MEF2C: variants seen among roughly 807,000 people sequenced by gnomAD.
The protein encoded by MEF2C is myocyte-specific enhancer factor 2C.
In MEF2C, 6 loss-of-function variants were observed where a neutral mutation model predicts 50.5. The observed-to-expected ratio is 0.12, with a 90% confidence interval of 0.07 to 0.23. MEF2C has a LOEUF of 0.23. Among genes scored for constraint, MEF2C ranks in the 10% least tolerant of loss-of-function variants. MEF2C has a pLI of 1.00. For synonymous variants in MEF2C, 183 were observed against 228.0 expected, an observed-to-expected ratio of 0.80 and a Z score of 1.78; for missense variants, 276 against 605.0, an observed-to-expected ratio of 0.46 and a Z score of 5.70.
intron 1 of MEF2C, among the ~76,000 whole-genome samples, chr5:88,859,775 T>C (rs183007393): frequency 6.6e-4 from 100 of 152,374 alleles, no homozygotes; most frequent in Admixed American, 1.1e-3. Flanking sequence ...TATTTGCTCA[T>C]TTATGAACAA....
chr5:88,735,609 G>C, intron 6 of MEF2C: 1 of 978,754 alleles, frequency 1.0e-6, no homozygotes, highest in Non-Finnish European at 1.2e-6. Flanking sequence ...CTTACATAAA[G>C]GATTAGAGAA....
rs1406989584 is a variant in MEF2C at position 88,731,894 on chromosome 5, C to A, written c.645G>T (p.Gly215=). Residue 215 remains glycine (G), a synonymous_variant, in exon 7 of 11, where the codon GGG becomes GGT. Coordinates refer to ENST00000504921, the MANE Select transcript of MEF2C (RefSeq NM_002397.5). ...CTGGTGAGTTTCGGGGATTGCCATA[C>A]CCGTTCCCTGTTAACAAAAAACAAT... ...TSGAGTSAGN[G]YGNPRNSPGL... is the part of the protein sequence containing the mutation. 3.7e-6 allele frequency: 6 copies of A among 1,608,536 alleles called. No individual in the cohort carries two copies. The East Asian group carries it at 6.7e-5, about 18-fold the overall frequency.
rs932466908 is a variant in MEF2C, at chr5:88,743,360, G to A, written c.637+5710C>T. 6.1e-6 allele frequency: 6 copies of A among 985,046 alleles called. No homozygotes were observed. The South Asian group carries it at 2.3e-4, about 39-fold the overall frequency. 61.0% of individuals were successfully genotyped at this position (985,046 alleles called of 1,614,324 possible). ...GTAAGAATTGCAGAGAAGTCTTTCT[G>A]GCCAATAAGAAAGTCAGCCAAGAAA... On this transcript the variant is annotated intron_variant, in intron 6 of 10. Transcript: ENST00000504921.
upstream of MEF2C, among the ~76,000 whole-genome samples, chr5:88,886,132 C>T (rs1834024449): frequency 6.6e-6 from 1 of 152,106 alleles, no homozygotes; most frequent in Admixed American, 6.5e-5. Context: ...TTATGTGTGA[C>T]CTAAGTTAAT....
chr5:88,811,242 T>C (rs1361874204), intron 2 of MEF2C, among the ~76,000 whole-genome samples: 2 of 152,002 alleles, frequency 1.3e-5, no homozygotes, highest in East Asian at 1.9e-4. Flanking sequence ...CAGAAAAAAA[T>C]AGAATTAAAA....
intron 6 of MEF2C, among the ~76,000 whole-genome samples, chr5:88,745,697 C>T (rs1316014958): frequency 2.6e-5 from 4 of 152,136 alleles, no homozygotes; most frequent in Admixed American, 2.0e-4. Context: ...TGCCTGTGGT[C>T]CCAGCTACTC....
intron 10 of MEF2C, among the ~76,000 whole-genome samples, chr5:88,724,757 A>G (rs994092984): frequency 2.6e-5 from 4 of 152,134 alleles, no homozygotes; most frequent in African/African-American, 7.2e-5. Context: ...CTTGGTTCAA[A>G]GTTACTTAGT....
At chr5:88,869,272 TATATACATATATATATATATATAC>T (rs1479155878) in intron 1 of MEF2C, among the ~76,000 whole-genome samples, 2 of 50,290 alleles carry the variant, frequency 4.0e-5, no homozygotes, top group South Asian at 5.9e-4. Flanking sequence ...TATATATATA[TATATACATATATATATATATATAC>T]ACATATATAT....
chr5:88,769,833 A>G (rs1246650909), intron 3 of MEF2C: 1 of 356,152 alleles, frequency 2.8e-6, no homozygotes, highest in African/African-American at 2.2e-5. Flanking sequence ...TTTGGTAGAG[A>G]TGGGGTCTCA....
At chr5:88,796,512 G>A (rs928373529) in intron 3 of MEF2C, among the ~76,000 whole-genome samples, 5 of 151,882 alleles carry the variant, frequency 3.3e-5, no homozygotes, top group African/African-American at 9.7e-5. Context: ...TACTGCATCT[G>A]ATTCTTCTCT....
At chr5:88,870,307 T>A (rs1829112285) in intron 1 of MEF2C, among the ~76,000 whole-genome samples, 1 of 152,078 alleles carries the variant, frequency 6.6e-6, no homozygotes, top group South Asian at 2.1e-4. Context: ...AATATAAAAG[T>A]TTCTTAGAAA....
chr5:88,786,263 A>G (rs948107015), intron 3 of MEF2C, among the ~76,000 whole-genome samples: 1 of 152,176 alleles, frequency 6.6e-6, no homozygotes, highest in Non-Finnish European at 1.5e-5. Context: ...TTAAAAATAA[A>G]CCTACCCTCT....
chr5:88,843,248 T>C, intron 1 of MEF2C: 3 of 751,228 alleles, frequency 4.0e-6, no homozygotes, highest in Non-Finnish European at 4.9e-6. Context: ...AAAAAAAGCA[T>C]TTCTATTTCT....
At chr5:88,733,801 A>T in intron 6 of MEF2C, 1 of 985,420 alleles carries the variant, frequency 1.0e-6, no homozygotes, top group Non-Finnish European at 1.2e-6. Flanking sequence ...AAATAAAGCA[A>T]ACTGGACACC....
intron 5 of MEF2C, among the ~76,000 whole-genome samples, chr5:88,749,775 A>G (rs994641363): frequency 1.3e-5 from 2 of 152,212 alleles, no homozygotes; most frequent in Admixed American, 6.5e-5. Flanking sequence ...TCATGCCTGT[A>G]ATCCCAGCAC....
At chr5:88,746,188 C>G (rs1769452599) in intron 6 of MEF2C, among the ~76,000 whole-genome samples, 1 of 152,100 alleles carries the variant, frequency 6.6e-6, no homozygotes, top group Non-Finnish European at 1.5e-5. Flanking sequence ...TAAGAAAGAA[C>G]AAGCAGTCCT....
intron 1 of MEF2C, among the ~76,000 whole-genome samples, chr5:88,860,508 A>T (rs537764160): frequency 1.3e-5 from 2 of 152,096 alleles, no homozygotes; most frequent in East Asian, 3.9e-4. Flanking sequence ...TTTTCACTTT[A>T]AAAAATGCCA....
chr5:88,773,474 A>G (rs1783343436), intron 3 of MEF2C, among the ~76,000 whole-genome samples: 1 of 152,352 alleles, frequency 6.6e-6, no homozygotes, highest in East Asian at 1.9e-4. Flanking sequence ...CTTCCTTAGA[A>G]CTATATAATG....
At chr5:88,805,432 C>T (rs1272758769) in intron 2 of MEF2C, among the ~76,000 whole-genome samples, 3 of 152,142 alleles carry the variant, frequency 2.0e-5, no homozygotes, top group African/African-American at 7.2e-5. Context: ...GTTAATGCCA[C>T]CATTTTCTTC....
Sources: allele counts gnomAD v4.1 joint callset (sites outside exome capture counted in the v4.1 genomes callset), GRCh38; gene constraint gnomAD v4.1.1; transcripts MANE v1.5; gene names NCBI Gene and HGNC (gene_info 2026-07-23, HGNC 2026-07-21).